Variants in BLM observed in about 807,000 individuals in gnomAD.
BLM encodes the protein BLM RecQ like helicase.
BLM carries 95 observed loss-of-function variants against 135.3 expected under a neutral mutation model. The observed-to-expected ratio is 0.70, with a 90% CI of 0.59 to 0.83. The LOEUF (loss-of-function observed/expected upper bound fraction) is 0.83. Ranked by LOEUF, BLM falls within the 40% of genes least tolerant of loss-of-function variation. The pLI is 0.00. For missense variants in BLM, 1,518 were observed against 1,663.9 expected (o/e 0.91, Z 1.53); for synonymous variants, 520 against 589.2 (o/e 0.88, Z 1.70).
In BLM at chr15:90,769,114, T is replaced by G. The variant is rs1896221092; in HGVS notation, c.2308-19T>G. ...ATGTGTTTCAGTGTTTTTACATGTC[T>G]AATGTATTTCTGGCCTAGATCTGTG... On this transcript the variant is annotated intron_variant, in intron 10 of 21. Transcript: ENST00000355112. The G allele has an allele frequency of 6.5e-7, 1 of 1,538,916 alleles. No homozygotes were observed. The highest frequency in any genetic ancestry group is 1.7e-5 in the Admixed American group (1 of 59,892).
chr15:90,782,904 G>C lies in BLM; in HGVS notation c.2638G>C (p.Glu880Gln), dbSNP rs201770808. The change falls in exon 13 of 22, where the codon GAA (glutamate) becomes CAA (glutamine). Residue 880 changes from glutamate to glutamine, a missense_variant. Around this residue, in one of 5 missense-constraint regions of BLM, gnomAD observed 626 missense variants for 681.1 expected, o/e 0.92. Transcript: ENST00000355112. The stretch of plus-strand genomic sequence containing the variant: ...TAAAAAGGTGGCATTTGATTGCCTA[G>C]AATGGATCAGAAAGCACCACCCATG... ...KPKKVAFDCLEWIRKHHPYDS... is the reference protein window; with the variant it reads ...KPKKVAFDCLQWIRKHHPYDS... 3.1e-4 allele frequency: 504 copies of C among 1,612,700 alleles called. No individual in the cohort carries two copies. The highest frequency in any genetic ancestry group is 4.2e-4 in the Non-Finnish European group (495 of 1,178,816).
intron 1 of BLM, among the ~76,000 whole-genome samples, chr15:90,730,715 G>A (rs947137814): frequency 4.6e-5 from 7 of 152,048 alleles, no homozygotes; most frequent in African/African-American, 1.7e-4. Context: ...CAAAGTGCTG[G>A]GATTACAGGT....
At chr15:90,814,625 C>CCAACCCATGCATGCT (rs1206870842) in intron 21 of BLM, among the ~76,000 whole-genome samples, 1 of 152,182 alleles carries the variant, frequency 6.6e-6, no homozygotes, top group Middle Eastern at 3.2e-3. Flanking sequence ...CCACCCAGCT[C>CCAACCCATGCATGCT]CACCCCATGC....
intron 15 of BLM, among the ~76,000 whole-genome samples, chr15:90,791,435 T>C (rs1307025676): frequency 6.6e-6 from 1 of 152,186 alleles, no homozygotes; most frequent in Non-Finnish European, 1.5e-5. Flanking sequence ...CCGATTTTTT[T>C]CAGTCAACAG....
At chr15:90,755,715 T>C (rs558708546) in intron 5 of BLM, among the ~76,000 whole-genome samples, 1 of 152,184 alleles carries the variant, frequency 6.6e-6, no homozygotes, top group Non-Finnish European at 1.5e-5. Context: ...TAGACTTCCA[T>C]TAATTATCTT....
intron 1 of BLM, among the ~76,000 whole-genome samples, chr15:90,745,125 T>A (rs8034371): frequency 0.29 from 44,190 of 152,002 alleles, 7,998 homozygotes; most frequent in African/African-American, 0.52. Flanking sequence ...GCATAAGGTA[T>A]GCCTGGAACA....
At position 90,794,365 on chromosome 15, in the gene BLM, A is replaced by G. The variant is rs759397093; in HGVS notation, c.3210+8A>G. On this transcript the variant is annotated splice_region_variant and intron_variant, in intron 16 of 21. Coordinates refer to ENST00000355112, the MANE Select transcript of BLM (RefSeq NM_000057.4). ...AATTGCTGTAAAACAAAGGTAAAAA[A>G]AGAAGTTTTAAAATTCTTTATAATT... 1.3e-6 allele frequency: 2 copies of G among 1,551,032 alleles called. No homozygotes were observed. The highest frequency in any genetic ancestry group is 3.9e-5 in the Admixed American group (2 of 50,982).
intron 19 of BLM, among the ~76,000 whole-genome samples, chr15:90,806,760 C>T (rs576422303): frequency 2.0e-5 from 3 of 152,282 alleles, no homozygotes; most frequent in Admixed American, 2.0e-4. Flanking sequence ...TTCATAAAAT[C>T]TCATAATCAT....
chr15:90,788,019 T>C (rs1896798521), intron 14 of BLM, among the ~76,000 whole-genome samples: 1 of 151,406 alleles, frequency 6.6e-6, no homozygotes, highest in African/African-American at 2.4e-5. Context: ...CAGAATTATA[T>C]ATTAAGACAC....
chr15:90,765,433 A>G lies in BLM; in HGVS notation c.2193+19A>G, dbSNP rs374456610. ...CTTGGATGTAAGTTATAAAAATACT[A>G]ATAAAAACACGCCTTAGAAACAATT... is the stretch of plus-strand genomic sequence containing the variant. On this transcript the variant is annotated intron_variant, in intron 9 of 21. Coordinates refer to ENST00000355112, the MANE Select transcript of BLM (RefSeq NM_000057.4). The G allele has an allele frequency of 2.6e-6, 4 of 1,520,528 alleles. No homozygotes were observed. The highest frequency in any genetic ancestry group is 1.7e-5 in the Admixed American group (1 of 59,860). The allele number at this position is 1,520,528 out of a possible 1,614,324, so 94.2% of individuals were successfully genotyped here. A position where few individuals can be genotyped will look rare whatever the true frequency, so the allele number is the denominator to read the frequency against.
intron 15 of BLM, among the ~76,000 whole-genome samples, chr15:90,791,750 C>T (rs1267576742): frequency 6.6e-6 from 1 of 151,944 alleles, no homozygotes; most frequent in Non-Finnish European, 1.5e-5. Flanking sequence ...GCGATTTTCT[C>T]ACTTCAGCTT....
chr15:90,778,889 C>CGTTTTTTTTTTTTTT (rs767967289), intron 12 of BLM, among the ~76,000 whole-genome samples: 1 of 135,044 alleles, frequency 7.4e-6, no homozygotes. Flanking sequence ...TTAACCCTTT[C>CGTTTTTTTTTTTTTT]TTTTTTTTTT....
At chr15:90,769,380 C>A (rs1381880792) in intron 11 of BLM, 58 bp from the exon 12 acceptor site, 6 of 1,604,810 alleles carry the variant, frequency 3.7e-6, no homozygotes, top group Non-Finnish European at 5.1e-6. Context: ...GCAGTGTTGG[C>A]TTTTTATAGA....
intron 15 of BLM, among the ~76,000 whole-genome samples, chr15:90,792,114 G>T: frequency 7.3e-6 from 1 of 137,748 alleles, no homozygotes. Context: ...TTTTTGAGAC[G>T]GAGTCTCGCT....
chr15:90,724,941 C>T (rs548616244), intron 1 of BLM, among the ~76,000 whole-genome samples: 1 of 152,270 alleles, frequency 6.6e-6, no homozygotes, highest in Admixed American at 6.5e-5. Flanking sequence ...AGGAGTCTCA[C>T]TCTGTCGCCC....
At chr15:90,760,523 C>T (rs1895943449) in intron 6 of BLM, 71 bp from the exon 7 acceptor site, 1 of 1,454,734 alleles carries the variant, frequency 6.9e-7, no homozygotes, top group South Asian at 1.2e-5. Context: ...ATGAAAACTA[C>T]AGATTTGCTT....
chr15:90,747,263 A>G (rs990607070), intron 1 of BLM, 126 bp from the exon 2 acceptor site: 14 of 459,694 alleles, frequency 3.0e-5, no homozygotes, highest in South Asian at 2.1e-4. Flanking sequence ...AAAAAAAAAA[A>G]GTCCTATTAC....
At chr15:90,747,830 C>A (rs1383246666) in intron 2 of BLM, among the ~76,000 whole-genome samples, 4 of 152,082 alleles carry the variant, frequency 2.6e-5, no homozygotes, top group African/African-American at 9.7e-5. Context: ...TCTTTTGAGA[C>A]GGAGTCTCGC....
chr15:90,756,853 C>T (rs577819984), intron 5 of BLM, among the ~76,000 whole-genome samples: 47 of 152,236 alleles, frequency 3.1e-4, no homozygotes, highest in African/African-American at 1.1e-3. Flanking sequence ...TAATAGAAAC[C>T]TGTCTCCTCC....
Sources: allele counts gnomAD v4.1 joint callset (sites outside exome capture counted in the v4.1 genomes callset), GRCh38; gene constraint gnomAD v4.1.1; regional missense constraint gnomAD v4.1.1; transcripts MANE v1.5; gene names NCBI Gene and HGNC (gene_info 2026-07-23, HGNC 2026-07-21).